The following NPAS3 variants were observed in gnomAD, a reference collection of about 807,000 sequenced individuals.
NPAS3 encodes neuronal PAS domain protein 3, also known as neuronal PAS domain-containing protein 3.
NPAS3 carries 14 observed loss-of-function variants against 73.1 expected under a neutral mutation model. The ratio of observed to expected loss-of-function variants is 0.19; its 90% confidence interval spans 0.13 to 0.30. The LOEUF is 0.30. Among genes scored for constraint, NPAS3 ranks in the 10% least tolerant of loss-of-function variants. The probability of loss-of-function intolerance (pLI) is 1.00; values close to 1 mark genes in which losing one functional copy is unlikely to be tolerated. For synonymous variants in NPAS3, 620 were observed against 541.5 expected (o/e 1.14, Z -2.01); for missense variants, 1,096 against 1,250.0 (o/e 0.88, Z 1.86).
At chr14:33,142,492 G>A (rs905582591) in intron 2 of NPAS3, among the ~76,000 whole-genome samples, 8 of 151,688 alleles carry the variant, frequency 5.3e-5, no homozygotes, top group African/African-American at 1.7e-4. Context: ...TGTGCCATAT[G>A]TCAGTGTTTG....
chr14:33,114,594 G>A (rs1473515139), intron 2 of NPAS3, among the ~76,000 whole-genome samples: 1 of 152,102 alleles, frequency 6.6e-6, no homozygotes, highest in Non-Finnish European at 1.5e-5. Context: ...GCACATAAAT[G>A]CAATCAACAG....
intron 4 of NPAS3, among the ~76,000 whole-genome samples, chr14:33,411,060 G>A (rs1392371698): frequency 6.6e-6 from 1 of 152,222 alleles, no homozygotes; most frequent in Non-Finnish European, 1.5e-5. Flanking sequence ...GGGTTACAAT[G>A]CCCTGTCAAC....
intron 2 of NPAS3, among the ~76,000 whole-genome samples, chr14:33,065,991 C>T (rs1159111674): frequency 6.6e-6 from 1 of 152,032 alleles, no homozygotes; most frequent in African/African-American, 2.4e-5. Context: ...CTTGGTTGGG[C>T]ACAAAGCATC....
At chr14:33,073,048 G>A (rs1595380973) in intron 2 of NPAS3, among the ~76,000 whole-genome samples, 1 of 152,164 alleles carries the variant, frequency 6.6e-6, no homozygotes, top group African/African-American at 2.4e-5. Context: ...TGATGGTGAT[G>A]CCATCACTGC....
chr14:33,043,287 T>C (rs2040403334), intron 1 of NPAS3, among the ~76,000 whole-genome samples: 1 of 152,120 alleles, frequency 6.6e-6, no homozygotes, highest in Non-Finnish European at 1.5e-5. Flanking sequence ...ATTATTGAAA[T>C]GCTATACTAA....
At chr14:33,153,170 T>C (rs1366783922) in intron 2 of NPAS3, among the ~76,000 whole-genome samples, 1 of 152,158 alleles carries the variant, frequency 6.6e-6, no homozygotes, top group Non-Finnish European at 1.5e-5. Flanking sequence ...TGTTTTTTAC[T>C]TTTCTTCTTA....
chr14:33,194,014 T>C (rs1246469439), intron 2 of NPAS3, among the ~76,000 whole-genome samples: 1 of 152,224 alleles, frequency 6.6e-6, no homozygotes, highest in Non-Finnish European at 1.5e-5. Flanking sequence ...CATGTAAAAA[T>C]GGTGACCACA....
At chr14:33,732,574 T>C (rs2061427196) in intron 6 of NPAS3, among the ~76,000 whole-genome samples, 1 of 152,180 alleles carries the variant, frequency 6.6e-6, no homozygotes, top group African/African-American at 2.4e-5. Context: ...TCATATGGAA[T>C]TTCAGTAGAA....
chr14:32,985,155 G>A (rs1026857461), intron 1 of NPAS3, among the ~76,000 whole-genome samples: 1 of 152,164 alleles, frequency 6.6e-6, no homozygotes, highest in Non-Finnish European at 1.5e-5. Flanking sequence ...TGTGCTTATA[G>A]TCAGATAACA....
intron 3 of NPAS3, among the ~76,000 whole-genome samples, chr14:33,323,766 A>G (rs1055701032): frequency 6.6e-6 from 1 of 152,242 alleles, no homozygotes; most frequent in African/African-American, 2.4e-5. Flanking sequence ...AATTTAGAGG[A>G]AAAAGGCTTA....
chr14:33,605,616 A>G (rs192948307), intron 5 of NPAS3, among the ~76,000 whole-genome samples: 10 of 152,330 alleles, frequency 6.6e-5, no homozygotes, highest in African/African-American at 1.9e-4. Flanking sequence ...AGAATAAGTC[A>G]GTAGCATTGA....
At chr14:33,391,867 A>G (rs956258604) in intron 4 of NPAS3, among the ~76,000 whole-genome samples, 2 of 152,174 alleles carry the variant, frequency 1.3e-5, no homozygotes, top group Admixed American at 6.5e-5. Context: ...TCCCAGATAT[A>G]CTTAATTTCT....
chr14:33,778,628 C>T, intron 9 of NPAS3, 56 bp downstream of exon 9: 1 of 1,206,676 alleles, frequency 8.3e-7, no homozygotes, highest in East Asian at 2.3e-5. Context: ...ATCTCTGAGG[C>T]TTGTTTGGTT....
At chr14:33,508,155 A>G (rs1371817099) in intron 4 of NPAS3, among the ~76,000 whole-genome samples, 1 of 152,084 alleles carries the variant, frequency 6.6e-6, no homozygotes, top group Non-Finnish European at 1.5e-5. Flanking sequence ...TTCCTATGTT[A>G]TGGCAAAACC....
At chr14:33,021,557 A>AT (rs1454684773) in intron 1 of NPAS3, among the ~76,000 whole-genome samples, 2 of 152,156 alleles carry the variant, frequency 1.3e-5, no homozygotes, top group Non-Finnish European at 2.9e-5. Context: ...AGATTTTCAC[A>AT]TAAAAATGCC....
chr14:33,077,604 A>G (rs564277942), intron 2 of NPAS3, among the ~76,000 whole-genome samples: 2 of 152,262 alleles, frequency 1.3e-5, no homozygotes, highest in Non-Finnish European at 2.9e-5. Context: ...AATGTTTGAA[A>G]GTGTAAAAGA....
intron 2 of NPAS3, among the ~76,000 whole-genome samples, chr14:33,189,031 GTTGT>G (rs1375508228): frequency 6.6e-6 from 1 of 152,176 alleles, no homozygotes; most frequent in Non-Finnish European, 1.5e-5. Context: ...AGTATTGGAA[GTTGT>G]TTATCTGAAT....
At chr14:33,745,563 A>G (rs563377497) in intron 7 of NPAS3, among the ~76,000 whole-genome samples, 1 of 152,330 alleles carries the variant, frequency 6.6e-6, no homozygotes, top group Non-Finnish European at 1.5e-5. Flanking sequence ...GCCCATAGTG[A>G]ACACATACAA....
intron 3 of NPAS3, among the ~76,000 whole-genome samples, chr14:33,361,750 A>G (rs1367594662): frequency 1.3e-5 from 2 of 152,240 alleles, no homozygotes; most frequent in Non-Finnish European, 2.9e-5. Context: ...GATATGAATT[A>G]TGAAGATAGT....
Sources: allele counts gnomAD v4.1 joint callset (sites outside exome capture counted in the v4.1 genomes callset), GRCh38; gene constraint gnomAD v4.1.1; transcripts MANE v1.5; gene names NCBI Gene and HGNC (gene_info 2026-07-23, HGNC 2026-07-21).